Variants in STAU2 observed in about 807,000 individuals in gnomAD.
STAU2 encodes the protein staufen double-stranded RNA binding protein 2.
Under a neutral mutation model 65.9 loss-of-function variants are expected in STAU2, and 20 were observed. The ratio of observed to expected loss-of-function variants is 0.30; its 90% CI spans 0.21 to 0.44. STAU2 has a LOEUF of 0.44. Ranked by LOEUF, STAU2 falls within the 20% of genes least tolerant of loss-of-function variation. The pLI is 1.00. For missense variants in STAU2, 558 were observed against 683.9 expected (o/e 0.82, Z 2.05); for synonymous variants, 232 against 233.9 (o/e 0.99, Z 0.07).
chr8:73,730,175 G>C (rs1383974888), intron 3 of STAU2, among the ~76,000 whole-genome samples: 1 of 151,958 alleles, frequency 6.6e-6, no homozygotes, highest in Non-Finnish European at 1.5e-5. Context: ...TTCCCTCTCA[G>C]GACTGTTTTC....
chr8:73,738,476 T>C (rs560300689), intron 2 of STAU2, 127 bp from the exon 3 acceptor site: 1 of 678,464 alleles, frequency 1.5e-6, no homozygotes. Flanking sequence ...CATAGAACTT[T>C]CTATGATGAT....
At position 73,561,579 on chromosome 8, in the gene STAU2, T is replaced by C. The variant is rs867230425; in HGVS notation, c.1223-9260A>G. 30 of 451,432 alleles carry C rather than the reference T, an allele frequency of 6.6e-5. No individual in the cohort carries two copies. The Middle Eastern group carries it at 7.2e-3, about 108-fold the overall frequency. 28.0% of individuals were successfully genotyped at this position (451,432 alleles called of 1,614,324 possible). A position where few individuals can be genotyped will look rare whatever the true frequency, so the allele number is the denominator to read the frequency against. ...CACCAAAAAATGGATTATATAAGTC[T>C]GACATATGACAAAAGTGACCTGATC... On this transcript the variant is annotated intron_variant, in intron 12 of 14. Coordinates refer to ENST00000524300, the MANE Select transcript of STAU2 (RefSeq NM_001164380.2).
intron 4 of STAU2, among the ~76,000 whole-genome samples, chr8:73,690,533 T>C (rs1022301920): frequency 6.6e-6 from 1 of 152,116 alleles, no homozygotes; most frequent in Non-Finnish European, 1.5e-5. Context: ...AACAGTATTG[T>C]GATTATGAAG....
chr8:73,720,598 C>T lies in STAU2; in HGVS notation c.-17-11436G>A, dbSNP rs1331671900. 3.9e-5 allele frequency among the ~76,000 whole-genome samples: 3 copies of T among 77,072 alleles called. 1 individual carries two copies. Among genetic ancestry groups the T allele is most frequent in the East Asian group, 6.1e-4 (1 of 1,642 alleles). The allele number at this position is 77,072 out of a possible 152,430, so 50.6% of individuals were successfully genotyped here. On this transcript the variant is annotated intron_variant, in intron 3 of 14. Coordinates refer to ENST00000524300, the MANE Select transcript of STAU2 (RefSeq NM_001164380.2). ...CGCAATCTCGGCTCACTGCAAGCTC[C>T]GCTTCCCGGGTTCACGCCATTCTCC...
rs936804055 is a variant in STAU2 at position 73,422,794 on chromosome 8, T to C, written c.1531-92A>G. The C allele has an allele frequency of 1.6e-5, 10 of 630,394 alleles. No individual in the cohort carries two copies. The Admixed American group carries it at 2.3e-4, about 14-fold the overall frequency. The allele number at this position is 630,394 out of a possible 1,614,324, so 39.1% of individuals were successfully genotyped here. A position where few individuals can be genotyped will look rare whatever the true frequency, so the allele number is the denominator to read the frequency against. ...AAAGCTGAGATAGAAAGACTCATTT[T>C]CATTAGTCTACATAATTTTTTTTTG... On this transcript the variant is annotated intron_variant, in intron 13 of 14. Transcript: ENST00000524300.
Position 73,643,853 on chromosome 8 carries a change from G to A in STAU2, c.411-26402C>T, listed in dbSNP as rs62510325. Among the ~76,000 whole-genome samples, 945 of 152,238 alleles carry A rather than the reference G, an allele frequency of 6.2e-3. 2 individuals are homozygous for A. Among genetic ancestry groups the A allele is most frequent in the Non-Finnish European group, 0.01 (691 of 68,018 alleles). ...AAATAGTTGTACACTTAGTTACATG[G>A]AAACTCATAACACATTCTGAAGTGA... On this transcript the variant is annotated intron_variant, in intron 6 of 14. Coordinates refer to ENST00000524300, the MANE Select transcript of STAU2 (RefSeq NM_001164380.2).
At chr8:73,480,748 T>C (rs1820563169) in intron 13 of STAU2, among the ~76,000 whole-genome samples, 2 of 152,068 alleles carry the variant, frequency 1.3e-5, no homozygotes, top group Admixed American at 6.6e-5. Flanking sequence ...ACGAAATATG[T>C]AGGAACCAAA....
chr8:73,536,289 T>TG lies in STAU2; in HGVS notation c.1530+15722dup, dbSNP rs537736299. Among the ~76,000 whole-genome samples the TG allele has an allele frequency of 7.2e-5, 11 of 152,254 alleles. No individual in the cohort carries two copies. In the East Asian group the frequency reaches 2.1e-3, roughly 29 times the overall value. ...GTTTTCTTTTTGCTTTACATATCCT[T>TG]GGCTGGGTACCAGAAAAGCCAGCAA... On this transcript the variant is annotated intron_variant, in intron 13 of 14. Coordinates refer to ENST00000524300, the MANE Select transcript of STAU2 (RefSeq NM_001164380.2).
intron 13 of STAU2, among the ~76,000 whole-genome samples, chr8:73,442,169 A>C (rs1383154708): frequency 6.6e-6 from 1 of 152,072 alleles, no homozygotes; most frequent in Non-Finnish European, 1.5e-5. Flanking sequence ...CCTGGCGAAC[A>C]TGGTGAAACC....
At chr8:73,486,539 T>C (rs951264171) in intron 13 of STAU2, among the ~76,000 whole-genome samples, 1 of 151,240 alleles carries the variant, frequency 6.6e-6, no homozygotes, top group Non-Finnish European at 1.5e-5. Flanking sequence ...GTATAAAAAG[T>C]AGAACAGCTA....
At chr8:73,702,713 C>A (rs1014417153) in intron 4 of STAU2, among the ~76,000 whole-genome samples, 2 of 151,326 alleles carry the variant, frequency 1.3e-5, no homozygotes, top group Admixed American at 6.6e-5. Flanking sequence ...TAAAACAAAC[C>A]CAATAAAAAA....
At chr8:73,712,316 T>G (rs1376363551) in intron 3 of STAU2, among the ~76,000 whole-genome samples, 4 of 152,294 alleles carry the variant, frequency 2.6e-5, no homozygotes, top group Middle Eastern at 3.4e-3. Flanking sequence ...AAAGAACAAC[T>G]GCCACATGAT....
At chr8:73,583,623 A>G (rs1456296210) in intron 11 of STAU2, among the ~76,000 whole-genome samples, 3 of 152,100 alleles carry the variant, frequency 2.0e-5, no homozygotes, top group African/African-American at 7.2e-5. Context: ...GTCACCAAAT[A>G]CTGCTATAAT....
chr8:73,623,347 G>C (rs755678796), intron 6 of STAU2, among the ~76,000 whole-genome samples: 1 of 152,024 alleles, frequency 6.6e-6, no homozygotes, highest in Non-Finnish European at 1.5e-5. Flanking sequence ...ATTTTTACAA[G>C]GTGAGAAAGA....
At chr8:73,598,793 A>G (rs963063728) in intron 10 of STAU2, among the ~76,000 whole-genome samples, 2 of 152,180 alleles carry the variant, frequency 1.3e-5, no homozygotes, top group African/African-American at 2.4e-5. Context: ...CAGATGAATT[A>G]TAAGAATTGA....
At chr8:73,551,814 C>T in intron 13 of STAU2, 198 bp downstream of exon 13, 3 of 1,255,992 alleles carry the variant, frequency 2.4e-6, no homozygotes, top group Non-Finnish European at 3.0e-6. Context: ...AAAAGAATTA[C>T]TAGATAGATC....
At chr8:73,623,637 C>A (rs1405810540) in intron 6 of STAU2, among the ~76,000 whole-genome samples, 1 of 152,096 alleles carries the variant, frequency 6.6e-6, no homozygotes, top group Non-Finnish European at 1.5e-5. Context: ...GTTTAAAGGA[C>A]CCTAAAGGCC....
chr8:73,612,633 T>G (rs1361620899), intron 9 of STAU2, among the ~76,000 whole-genome samples: 1 of 152,248 alleles, frequency 6.6e-6, no homozygotes, highest in Non-Finnish European at 1.5e-5. Flanking sequence ...CATGTCAGTA[T>G]TCATTAAAAA....
intron 4 of STAU2, among the ~76,000 whole-genome samples, chr8:73,696,519 T>A (rs1819702246): frequency 6.6e-6 from 1 of 152,170 alleles, no homozygotes; most frequent in South Asian, 2.1e-4. Flanking sequence ...GGAATTCTTA[T>A]CAGATAAATT....
Sources: allele counts gnomAD v4.1 joint callset (sites outside exome capture counted in the v4.1 genomes callset), GRCh38; gene constraint gnomAD v4.1.1; transcripts MANE v1.5; gene names NCBI Gene and HGNC (gene_info 2026-07-23, HGNC 2026-07-21).